FER1L6: variants seen among roughly 807,000 people sequenced by gnomAD.
The protein encoded by FER1L6 is fer-1 like family member 6, also known as fer-1-like protein 6.
A neutral mutation model predicts 219.2 loss-of-function variants in FER1L6; 177 were observed. The ratio of observed to expected loss-of-function variants is 0.81; its 90% confidence interval spans 0.71 to 0.91. The LOEUF (loss-of-function observed/expected upper bound fraction) is 0.91. Ranked by LOEUF, FER1L6 falls within the 40% of genes least tolerant of loss-of-function variation. The pLI, the probability that FER1L6 is intolerant of heterozygous loss-of-function variation, is 0.00. For missense variants in FER1L6, 2,153 were observed against 2,259.9 expected (o/e 0.95, Z 0.96); for synonymous variants, 768 against 824.3 (o/e 0.93, Z 1.17).
intron 1 of FER1L6, among the ~76,000 whole-genome samples, chr8:123,928,735 A>G (rs147114012): frequency 5.9e-5 from 9 of 152,352 alleles, no homozygotes; most frequent in African/African-American, 2.2e-4. Context: ...AAGAAATCCA[A>G]TGGATACAAC....
chr8:123,885,362 C>T (rs1284940228), intron 1 of FER1L6, among the ~76,000 whole-genome samples: 1 of 152,172 alleles, frequency 6.6e-6, no homozygotes, highest in Non-Finnish European at 1.5e-5. Flanking sequence ...CTTGTCAAAG[C>T]TTCCACTGCT....
At chr8:124,097,961 A>G in intron 37 of FER1L6, 78 bp downstream of exon 37, 1 of 787,240 alleles carries the variant, frequency 1.3e-6, no homozygotes, top group South Asian at 1.5e-5. Context: ...TCTATGCCTC[A>G]TGGAGGATAC....
At chr8:124,049,331 C>T (rs1263292375) in intron 21 of FER1L6, among the ~76,000 whole-genome samples, 3 of 152,176 alleles carry the variant, frequency 2.0e-5, no homozygotes, top group African/African-American at 7.2e-5. Flanking sequence ...CAGGCCTGAG[C>T]TACCGCGCCT....
intron 29 of FER1L6, among the ~76,000 whole-genome samples, chr8:124,070,074 C>A (rs753387097): frequency 3.3e-5 from 5 of 152,182 alleles, no homozygotes; most frequent in Admixed American, 6.5e-5. Flanking sequence ...ACAATAAAAA[C>A]AAATATTCCA....
chr8:123,997,908 CT>C (rs1460792655), intron 12 of FER1L6, among the ~76,000 whole-genome samples: 1 of 152,070 alleles, frequency 6.6e-6, no homozygotes, highest in African/African-American at 2.4e-5. Context: ...TTCTGAATTG[CT>C]TCTCTGTGTT....
intron 39 of FER1L6, among the ~76,000 whole-genome samples, chr8:124,106,015 G>A (rs1205055409): frequency 6.6e-6 from 1 of 152,164 alleles, no homozygotes; most frequent in Non-Finnish European, 1.5e-5. Context: ...GGGGAATGGG[G>A]AGCAACTGGT....
At chr8:124,070,672 T>C (rs1821032463) in intron 30 of FER1L6, 74 bp downstream of exon 30, 2 of 1,347,140 alleles carry the variant, frequency 1.5e-6, no homozygotes, top group African/African-American at 1.5e-5. Context: ...ATTCTGTTAA[T>C]GGAATTGTGG....
At chr8:123,925,355 G>T (rs759696306) in intron 1 of FER1L6, among the ~76,000 whole-genome samples, 6 of 152,248 alleles carry the variant, frequency 3.9e-5, no homozygotes, top group Non-Finnish European at 7.3e-5. Context: ...TAGCAGGATA[G>T]AAGAAAATTT....
At chr8:124,101,373 T>C in intron 38 of FER1L6, 35 bp downstream of exon 38, 8 of 1,591,240 alleles carry the variant, frequency 5.0e-6, no homozygotes, top group Non-Finnish European at 6.9e-6. Flanking sequence ...CATATTAATG[T>C]TAAGGGTTTT....
intron 1 of FER1L6, among the ~76,000 whole-genome samples, chr8:123,930,105 A>G (rs1338222292): frequency 6.6e-6 from 1 of 152,194 alleles, no homozygotes. Context: ...GTAACATAGA[A>G]AAATATCACA....
chr8:124,076,238 A>T lies in FER1L6; in HGVS notation c.4133A>T (p.Asp1378Val). The T allele has an allele frequency of 6.2e-7, 1 of 1,614,056 alleles. No individual in the cohort carries two copies. The highest frequency in any genetic ancestry group is 8.5e-7 in the Non-Finnish European group (1 of 1,179,952). Residue 1378 changes from aspartate to valine, a missense_variant, in exon 32 of 41, where the codon GAT becomes GTT. Asp to Val is a radical substitution (Grantham distance 152, BLOSUM62 -3). Coordinates refer to ENST00000522917, the MANE Select transcript of FER1L6 (RefSeq NM_001039112.2). ...LSPADPDGKS[D>V]PYIVIKLGKT... ...CCAGCTGATCCAGATGGCAAATCAG[A>T]TCCCTACATTGTGATCAAGCTTGGC... is the stretch of plus-strand genomic sequence containing the variant.
intron 1 of FER1L6, among the ~76,000 whole-genome samples, chr8:123,862,188 AG>A: frequency 1.5e-5 from 1 of 65,650 alleles, no homozygotes; most frequent in Non-Finnish European, 3.0e-5. Flanking sequence ...TTTAGCATGA[AG>A]GGTTGTTGAA....
chr8:124,004,907 A>G (rs942505818), intron 13 of FER1L6, among the ~76,000 whole-genome samples: 1 of 151,954 alleles, frequency 6.6e-6, no homozygotes, highest in Non-Finnish European at 1.5e-5. Flanking sequence ...CTGAGGCAGA[A>G]GAATTGCTTG....
chr8:123,988,647 A>G (rs1243269960), intron 12 of FER1L6, among the ~76,000 whole-genome samples: 2 of 152,222 alleles, frequency 1.3e-5, no homozygotes, highest in Non-Finnish European at 2.9e-5. Context: ...GCATATAGAA[A>G]TGCTACTAAT....
chr8:124,026,411 A>G (rs1818708702), intron 18 of FER1L6, among the ~76,000 whole-genome samples: 1 of 152,208 alleles, frequency 6.6e-6, no homozygotes, highest in African/African-American at 2.4e-5. Context: ...AGGAACAGGT[A>G]AAGAGATAGC....
chr8:124,087,786 A>G (rs534525279), intron 33 of FER1L6, among the ~76,000 whole-genome samples: 14 of 152,308 alleles, frequency 9.2e-5, no homozygotes, highest in African/African-American at 3.4e-4. Flanking sequence ...CTGCAGCCAT[A>G]TCTGCATTAG....
chr8:124,056,567 G>T (rs1820307261), intron 22 of FER1L6, among the ~76,000 whole-genome samples: 1 of 152,152 alleles, frequency 6.6e-6, no homozygotes, highest in African/African-American at 2.4e-5. Context: ...CTTATTAGAG[G>T]TCTGAGTTAG....
chr8:124,014,714 A>G (rs1010670926), intron 15 of FER1L6, among the ~76,000 whole-genome samples: 1 of 152,234 alleles, frequency 6.6e-6, no homozygotes, highest in Non-Finnish European at 1.5e-5. Flanking sequence ...TTGAGTACCA[A>G]TTAGTAACCC....
chr8:124,108,911 G>A (rs999424824), intron 39 of FER1L6, among the ~76,000 whole-genome samples: 31 of 152,012 alleles, frequency 2.0e-4, no homozygotes, highest in Non-Finnish European at 4.3e-4. Flanking sequence ...AAAAGGGAGG[G>A]AGGGGGGAAG....
Sources: allele counts gnomAD v4.1 joint callset (sites outside exome capture counted in the v4.1 genomes callset), GRCh38; gene constraint gnomAD v4.1.1; transcripts MANE v1.5; gene names NCBI Gene and HGNC (gene_info 2026-07-23, HGNC 2026-07-21).